The following SPECC1 variants were observed in gnomAD, a reference collection of about 807,000 sequenced individuals.
SPECC1 encodes the protein cytospin-B.
A neutral mutation model predicts 104.1 loss-of-function variants in SPECC1; 62 were observed. The observed-to-expected ratio is 0.60, with a 90% CI of 0.49 to 0.74. SPECC1 has a LOEUF of 0.74. Among genes scored for constraint, SPECC1 ranks in the 30% least tolerant of loss-of-function variants. SPECC1 has a pLI of 0.00. For synonymous variants in SPECC1, 513 were observed against 501.6 expected, an observed-to-expected ratio of 1.02 and a Z score of -0.30; for missense variants, 1,306 against 1,310.5, an observed-to-expected ratio of 1.00 and a Z score of 0.05.
At chr17:20,212,870 T>A (rs561095650) in intron 4 of SPECC1, among the ~76,000 whole-genome samples, 5 of 152,360 alleles carry the variant, frequency 3.3e-5, no homozygotes, top group African/African-American at 1.2e-4. Context: ...TAAAGTTTAT[T>A]ATATTTTAAT....
At chr17:20,276,773 A>G (rs1489381402) in intron 12 of SPECC1, among the ~76,000 whole-genome samples, 1 of 152,258 alleles carries the variant, frequency 6.6e-6, no homozygotes, top group Non-Finnish European at 1.5e-5. Context: ...TCATAAATCA[A>G]ACACATTTTA....
intron 7 of SPECC1, chr17:20,239,213 A>ATT (rs781497672): frequency 1.6e-4 from 167 of 1,017,812 alleles, no homozygotes; most frequent in Admixed American, 2.3e-4. Flanking sequence ...TAGATTGATG[A>ATT]TTTAATGTAT....
chr17:20,073,663 C>T (rs971710666), intron 1 of SPECC1: 1 of 152,134 alleles, frequency 6.6e-6, no homozygotes, highest in Non-Finnish European at 1.5e-5. Flanking sequence ...TGATTGAGGT[C>T]GGCAGCTCCC....
intron 9 of SPECC1, among the ~76,000 whole-genome samples, chr17:20,248,466 A>T (rs374557723): frequency 1.3e-5 from 2 of 152,224 alleles, no homozygotes; most frequent in East Asian, 1.9e-4. Context: ...AATGTATTTG[A>T]CCTGTTCCAG....
At chr17:20,210,629 G>A (rs1211278015) in intron 4 of SPECC1, among the ~76,000 whole-genome samples, 2 of 152,196 alleles carry the variant, frequency 1.3e-5, no homozygotes, top group Non-Finnish European at 2.9e-5. Flanking sequence ...ATTCTGTTAG[G>A]AAGAAACAAG....
chr17:20,069,933 C>T (rs2046488012), intron 1 of SPECC1, among the ~76,000 whole-genome samples: 2 of 152,078 alleles, frequency 1.3e-5, no homozygotes, highest in Non-Finnish European at 2.9e-5. Context: ...AAGTATATAG[C>T]AATACAATTG....
At chr17:20,087,431 A>T (rs987362085) in intron 1 of SPECC1, among the ~76,000 whole-genome samples, 9 of 152,020 alleles carry the variant, frequency 5.9e-5, no homozygotes, top group South Asian at 2.1e-4. Context: ...GGACTTTATT[A>T]TTTTTTTTCA....
At chr17:20,069,085 A>G (rs1295656735) in intron 1 of SPECC1, among the ~76,000 whole-genome samples, 1 of 152,232 alleles carries the variant, frequency 6.6e-6, no homozygotes, top group African/African-American at 2.4e-5. Flanking sequence ...CCAGTACCCA[A>G]CAGTTACCTT....
intron 2 of SPECC1, among the ~76,000 whole-genome samples, chr17:20,106,247 A>G (rs2048191338): frequency 6.6e-6 from 1 of 152,202 alleles, no homozygotes; most frequent in Non-Finnish European, 1.5e-5. Flanking sequence ...AGAGTGAGTA[A>G]TAGTTTTTCT....
intron 5 of SPECC1, among the ~76,000 whole-genome samples, chr17:20,229,543 G>A (rs1209144772): frequency 2.6e-5 from 4 of 152,106 alleles, no homozygotes; most frequent in East Asian, 1.9e-4. Context: ...GTGTGGTGGC[G>A]CATGCCTTTA....
At chr17:20,260,376 G>T (rs556425683) in intron 12 of SPECC1, 82 bp downstream of exon 12, 3 of 1,153,092 alleles carry the variant, frequency 2.6e-6, no homozygotes, top group South Asian at 1.4e-5. Flanking sequence ...GTGTGCCTGT[G>T]CTTGATGGGC....
At chr17:20,211,538 ATCT>A (rs1179461065) in intron 4 of SPECC1, among the ~76,000 whole-genome samples, 2 of 152,238 alleles carry the variant, frequency 1.3e-5, no homozygotes, top group African/African-American at 2.4e-5. Flanking sequence ...TAGGAGCGGA[ATCT>A]TCTAGAGATT....
intron 3 of SPECC1, among the ~76,000 whole-genome samples, chr17:20,197,734 C>T (rs2036133266): frequency 6.6e-6 from 1 of 152,070 alleles, no homozygotes; most frequent in South Asian, 2.1e-4. Flanking sequence ...GATCTGTAGC[C>T]AAGTTTGTTA....
intron 3 of SPECC1, among the ~76,000 whole-genome samples, chr17:20,150,428 T>A (rs1009840909): frequency 6.6e-6 from 1 of 151,458 alleles, no homozygotes; most frequent in African/African-American, 2.4e-5. Flanking sequence ...TCACCTGAGG[T>A]CGGGAGTTCG....
chr17:20,197,096 T>C (rs1328867702), intron 3 of SPECC1, among the ~76,000 whole-genome samples: 5 of 152,260 alleles, frequency 3.3e-5, no homozygotes, highest in Non-Finnish European at 2.9e-5. Context: ...ATTTTTCATT[T>C]GCCAGTTTTT....
intron 12 of SPECC1, among the ~76,000 whole-genome samples, chr17:20,282,952 G>A (rs2040823897): frequency 1.3e-5 from 2 of 152,190 alleles, no homozygotes; most frequent in African/African-American, 4.8e-5. Context: ...GCTGAGGCAG[G>A]AGGATTGCTT....
intron 7 of SPECC1, among the ~76,000 whole-genome samples, chr17:20,234,768 C>G (rs924602790): frequency 6.6e-6 from 1 of 152,212 alleles, no homozygotes. Context: ...TGGGCACTCA[C>G]AGGGTTGGTT....
At chr17:20,292,915 G>A (rs1436936292) in intron 12 of SPECC1, among the ~76,000 whole-genome samples, 1 of 152,222 alleles carries the variant, frequency 6.6e-6, no homozygotes, top group Non-Finnish European at 1.5e-5. Flanking sequence ...TAACTGCAAA[G>A]CAGACTCCAG....
chr17:20,156,273 AC>A (rs759300181), intron 3 of SPECC1: 2 of 1,285,224 alleles, frequency 1.6e-6, no homozygotes, highest in South Asian at 3.9e-5. Context: ...CGCAGCCGCA[AC>A]CCCACCCCCC....
Sources: allele counts gnomAD v4.1 joint callset (sites outside exome capture counted in the v4.1 genomes callset), GRCh38; gene constraint gnomAD v4.1.1; transcripts MANE v1.5; gene names NCBI Gene and HGNC (gene_info 2026-07-23, HGNC 2026-07-21).